LRRC9: variants seen among roughly 807,000 people sequenced by gnomAD.
The protein encoded by LRRC9 is leucine-rich repeat-containing protein 9.
In LRRC9, 122 loss-of-function variants were observed where a neutral mutation model predicts 63.2. The observed-to-expected ratio is 1.93, with a 90% CI of 1.67 to 2.24. The LOEUF (loss-of-function observed/expected upper bound fraction) is 2.24. Ranked by LOEUF, LRRC9 falls within the 30% of genes most tolerant of loss-of-function variation. The pLI, the probability that LRRC9 is intolerant of heterozygous loss-of-function variation, is 0.00. For missense variants in LRRC9, 1,071 were observed against 627.7 expected, an observed-to-expected ratio of 1.71 and a Z score of -7.55; for synonymous variants, 366 against 213.1, an observed-to-expected ratio of 1.72 and a Z score of -6.25.
At chr14:59,959,818 TTGGAACGAGAAC>T in exon 9 of LRRC9, 3 of 607,508 alleles carry the variant, frequency 4.9e-6, no homozygotes, top group Non-Finnish European at 8.9e-6. Flanking sequence ...TTTTCCACAG[TTGGAACGAGAAC>T]TGGCTGAACT....
intron 6 of LRRC9, among the ~76,000 whole-genome samples, chr14:59,934,206 G>A (rs1253357485): frequency 6.6e-6 from 1 of 152,134 alleles, no homozygotes; most frequent in Non-Finnish European, 1.5e-5. Context: ...AGACATTATG[G>A]TTGTTGAATT....
chr14:60,006,334 T>C (rs1425461901), intron 21 of LRRC9, 63 bp from the exon 22 acceptor site: 5 of 616,830 alleles, frequency 8.1e-6, no homozygotes, highest in African/African-American at 1.9e-5. Context: ...ACCAGCCACT[T>C]ATTTTTTAAA....
intron 30 of LRRC9, among the ~76,000 whole-genome samples, chr14:60,056,399 A>G (rs958427437): frequency 5.9e-5 from 9 of 152,216 alleles, no homozygotes; most frequent in Admixed American, 3.3e-4. Context: ...TTCTTTAAAC[A>G]TTGGTTTAAT....
chr14:59,969,618 G>A (rs1885249251), intron 12 of LRRC9, among the ~76,000 whole-genome samples: 1 of 152,166 alleles, frequency 6.6e-6, no homozygotes. Context: ...GCCATAGTGG[G>A]GAAGAAGAAA....
rs1890140207 is a variant in LRRC9, at chr14:59,936,356, A to G, written c.544-2034A>G. ...ATATTAAAAATGTTCCTGGAACACT[A>G]TTATCTTAGATTTTTATCTCTAACC... On this transcript the variant is annotated intron_variant, in intron 6 of 31. Transcript: ENST00000445360. The surrounding 1 kb of genome is among the most constrained non-coding windows in gnomAD (Gnocchi z 4.2). Among the ~76,000 whole-genome samples, 1 of 152,118 alleles carries G rather than the reference A, an allele frequency of 6.6e-6. No individual in the cohort carries two copies. Among genetic ancestry groups the G allele is most frequent in the African/African-American group, 2.4e-5 (1 of 41,430 alleles).
chr14:60,027,937 T>C lies in LRRC9; in HGVS notation c.3757T>C (p.Leu1253=). The change falls in exon 28 of 32, where the codon TTG becomes CTG. Residue 1253 remains leucine, a synonymous_variant. Coordinates refer to ENST00000445360, the Ensembl canonical transcript of LRRC9. This position sits in a 1 kb window ranked among gnomAD's most constrained non-coding sequence, Gnocchi z 4.0. ...TGACAACTTAGTAGTCCTTCAAGAA[T>C]TGGTAGTGGACCATAACCGCATCCG... is the stretch of plus-strand genomic sequence containing the variant. 1 of 701,742 alleles carries C rather than the reference T, an allele frequency of 1.4e-6. No homozygotes were observed. The highest frequency in any genetic ancestry group is 2.6e-6 in the Non-Finnish European group (1 of 384,194). The allele number at this position is 701,742 out of a possible 1,614,324, so 43.5% of individuals were successfully genotyped here. A position where few individuals can be genotyped will look rare whatever the true frequency, so the allele number is the denominator to read the frequency against.
intron 27 of LRRC9, among the ~76,000 whole-genome samples, chr14:60,023,685 G>A (rs1891294349): frequency 6.6e-6 from 1 of 152,022 alleles, no homozygotes; most frequent in South Asian, 2.1e-4. Context: ...TGGGATACAT[G>A]TGCAGAATGT....
chr14:59,943,967 C>T (rs1882064636), intron 7 of LRRC9, among the ~76,000 whole-genome samples: 1 of 151,866 alleles, frequency 6.6e-6, no homozygotes, highest in African/African-American at 2.4e-5. Context: ...ACTAACATAA[C>T]TCTCAAACAC....
rs1889660346 is a variant in LRRC9 at position 60,004,622 on chromosome 14, C to T, written c.2842+824C>T. Among the ~76,000 whole-genome samples, 1 of 152,014 alleles carries T rather than the reference C, an allele frequency of 6.6e-6. No homozygotes were observed. The stretch of plus-strand genomic sequence containing the variant: ...CTTCATTTGGATTTATGCTTATCTA[C>T]AGCTAAAAATCATGAGTTTAGAGAA... On this transcript the variant is annotated intron_variant, in intron 21 of 31. Coordinates refer to ENST00000445360, the Ensembl canonical transcript of LRRC9. The surrounding 1 kb of genome is among the most constrained non-coding windows in gnomAD (Gnocchi z 4.8).
chr14:60,018,302 G>T, intron 24 of LRRC9, 69 bp from the exon 25 acceptor site: 1 of 690,796 alleles, frequency 1.4e-6, no homozygotes, highest in South Asian at 1.5e-5. Context: ...GTATGTGAAG[G>T]AACTCACCTT....
At chr14:60,035,361 C>T (rs1238193348) in intron 29 of LRRC9, among the ~76,000 whole-genome samples, 1 of 151,938 alleles carries the variant, frequency 6.6e-6, no homozygotes, top group Admixed American at 6.6e-5. Flanking sequence ...TGATGTAATC[C>T]CATTTATCCA....
In LRRC9 at chr14:60,020,412, G is replaced by A. The variant is rs545932993; in HGVS notation, c.3566+1152G>A. 5.3e-5 allele frequency among the ~76,000 whole-genome samples: 8 copies of A among 151,930 alleles called. No individual in the cohort carries two copies. The South Asian group carries it at 1.7e-3, about 32-fold the overall frequency. ...AGGCTATTACGATTAAAGCTACTATGAACATTTCATTTATATACATACTTT... is the reference window on the plus strand; with the variant it reads ...AGGCTATTACGATTAAAGCTACTATAAACATTTCATTTATATACATACTTT... On this transcript the variant is annotated intron_variant, in intron 26 of 31. Transcript: ENST00000445360.
chr14:59,988,721 T>C (rs933592336), intron 17 of LRRC9, among the ~76,000 whole-genome samples: 3 of 152,138 alleles, frequency 2.0e-5, no homozygotes, highest in African/African-American at 7.2e-5. Flanking sequence ...TTATGCTCTG[T>C]ACACTCTCCC....
At chr14:60,038,570 C>T (rs1471055737) in intron 29 of LRRC9, among the ~76,000 whole-genome samples, 3 of 152,122 alleles carry the variant, frequency 2.0e-5, no homozygotes, top group Non-Finnish European at 1.5e-5. Flanking sequence ...CTCTGTTTAT[C>T]TGTTATTGGT....
At chr14:59,976,853 C>T (rs1027148918) in intron 13 of LRRC9, among the ~76,000 whole-genome samples, 1 of 152,156 alleles carries the variant, frequency 6.6e-6, no homozygotes, top group Non-Finnish European at 1.5e-5. Flanking sequence ...TTGAGTGCCT[C>T]CTACCATCTA....
intron 29 of LRRC9, among the ~76,000 whole-genome samples, chr14:60,044,010 A>G (rs536320370): frequency 3.3e-5 from 5 of 151,606 alleles, no homozygotes; most frequent in Admixed American, 6.5e-5. Context: ...GAGGTTTTCT[A>G]TTTCTTCATG....
At chr14:60,037,837 T>A (rs1892583581) in intron 29 of LRRC9, among the ~76,000 whole-genome samples, 1 of 152,250 alleles carries the variant, frequency 6.6e-6, no homozygotes, top group South Asian at 2.1e-4. Flanking sequence ...ATGAAGTCCT[T>A]GTCCATGTCT....
intron 3 of LRRC9, among the ~76,000 whole-genome samples, chr14:59,928,833 T>C (rs1889435406): frequency 6.6e-6 from 1 of 151,930 alleles, no homozygotes; most frequent in South Asian, 2.1e-4. Flanking sequence ...GAAAGGACCA[T>C]CTATTCAATA....
chr14:59,924,237 G>T (rs1163583147), intron 1 of LRRC9, among the ~76,000 whole-genome samples: 1 of 152,120 alleles, frequency 6.6e-6, no homozygotes, highest in Non-Finnish European at 1.5e-5. Context: ...GTATATAAGG[G>T]TTTCTCTTTC....
Sources: allele counts gnomAD v4.1 joint callset (sites outside exome capture counted in the v4.1 genomes callset), GRCh38; gene constraint gnomAD v4.1.1; non-coding constraint Gnocchi (gnomAD v3.1); transcripts MANE v1.5; gene names NCBI Gene and HGNC (gene_info 2026-07-23, HGNC 2026-07-21).